The following GLIS1 variants were observed in gnomAD, a reference collection of about 807,000 sequenced individuals.
GLIS1 encodes zinc finger protein GLIS1.
A neutral mutation model predicts 63.8 loss-of-function variants in GLIS1; 24 were observed. The observed-to-expected ratio is 0.38, with a 90% CI of 0.27 to 0.53. The LOEUF (loss-of-function observed/expected upper bound fraction) is 0.53, where lower values mean the gene tolerates loss of function less well. GLIS1 is among the 20% of genes least tolerant of loss of function. GLIS1 has a pLI of 0.85. For missense variants in GLIS1, 1,036 were observed against 1,074.1 expected (o/e 0.96, Z 0.50); for synonymous variants, 450 against 482.5 (o/e 0.93, Z 0.88).
intron 8 of GLIS1, among the ~76,000 whole-genome samples, chr1:53,513,302 C>T (rs1413530673): frequency 6.6e-6 from 1 of 152,160 alleles, no homozygotes; most frequent in Non-Finnish European, 1.5e-5. Context: ...CAGTCCACCC[C>T]ACCCCTGCAA....
intron 2 of GLIS1, among the ~76,000 whole-genome samples, chr1:53,670,962 ATAC>A (rs1200890276): frequency 6.6e-6 from 1 of 152,256 alleles, no homozygotes; most frequent in Non-Finnish European, 1.5e-5. Flanking sequence ...AGGTAAAGAA[ATAC>A]TGTATGACCA....
At chr1:53,601,026 C>T (rs1557474705) in intron 2 of GLIS1, among the ~76,000 whole-genome samples, 1 of 150,460 alleles carries the variant, frequency 6.6e-6, no homozygotes, top group Admixed American at 6.7e-5. Flanking sequence ...CTCTGGGCCT[C>T]AGTTTTCTCA....
chr1:53,691,487 C>G (rs1052114277), intron 2 of GLIS1, among the ~76,000 whole-genome samples: 1 of 152,166 alleles, frequency 6.6e-6, no homozygotes, highest in Non-Finnish European at 1.5e-5. Flanking sequence ...GGACCCCGGG[C>G]CCAGGATCCC....
intron 8 of GLIS1, among the ~76,000 whole-genome samples, chr1:53,514,274 C>G (rs1023199760): frequency 6.6e-6 from 1 of 152,164 alleles, no homozygotes; most frequent in African/African-American, 2.4e-5. Flanking sequence ...AAGGAGACAC[C>G]AGAGTGAGGC....
chr1:53,727,073 C>A (rs1646812645), intron 2 of GLIS1, among the ~76,000 whole-genome samples: 1 of 152,234 alleles, frequency 6.6e-6, no homozygotes, highest in South Asian at 2.1e-4. Context: ...ATGAGGAAGA[C>A]TGAGGCTCAG....
chr1:53,678,435 T>C (rs1282185182), intron 2 of GLIS1, among the ~76,000 whole-genome samples: 1 of 151,014 alleles, frequency 6.6e-6, no homozygotes, highest in Non-Finnish European at 1.5e-5. Flanking sequence ...AGAGGTTAGA[T>C]CACTTGCCTG....
chr1:53,629,434 C>A (rs968022687), intron 2 of GLIS1, among the ~76,000 whole-genome samples: 10 of 152,222 alleles, frequency 6.6e-5, no homozygotes, highest in Non-Finnish European at 1.5e-4. Flanking sequence ...TCTAGTCTCG[C>A]TGCCTGACAG....
intron 4 of GLIS1, among the ~76,000 whole-genome samples, chr1:53,568,271 C>A (rs911281425): frequency 1.3e-5 from 2 of 152,222 alleles, no homozygotes; most frequent in Non-Finnish European, 2.9e-5. Flanking sequence ...TTGCCTGGGG[C>A]CTGTAGCCCC....
At chr1:53,652,859 C>A (rs1176863445) in intron 2 of GLIS1, among the ~76,000 whole-genome samples, 1 of 152,190 alleles carries the variant, frequency 6.6e-6, no homozygotes, top group Non-Finnish European at 1.5e-5. Context: ...TTCAGCCCCA[C>A]CCTGGCCATG....
chr1:53,527,956 G>A (rs1169046329), intron 5 of GLIS1, among the ~76,000 whole-genome samples: 2 of 152,212 alleles, frequency 1.3e-5, no homozygotes, highest in Non-Finnish European at 2.9e-5. Flanking sequence ...GCTGGGTCCA[G>A]GAAATGCAGT....
intron 4 of GLIS1, among the ~76,000 whole-genome samples, chr1:53,593,432 T>C (rs1645212497): frequency 6.6e-6 from 1 of 152,202 alleles, no homozygotes; most frequent in Non-Finnish European, 1.5e-5. Flanking sequence ...AATATGCGCG[T>C]GTGTGTGCAC....
chr1:53,706,780 G>C (rs546484342), intron 2 of GLIS1, among the ~76,000 whole-genome samples: 24 of 152,312 alleles, frequency 1.6e-4, no homozygotes, highest in African/African-American at 5.8e-4. Context: ...CCTCAAATAA[G>C]AAAATCAAAA....
Position 53,594,975 on chromosome 1 carries a change from C to G in GLIS1, c.453G>C (p.Gln151His), listed in dbSNP as rs569854312. The change falls in exon 4 of 11, where the codon CAG (glutamine) becomes CAC (histidine). Residue 151 changes from glutamine (Q) to histidine (H), a missense_variant. This residue lies in a region of GLIS1 where 592 missense variants were observed against 593.9 expected (regional missense o/e 1.00). Transcript: ENST00000628545. The part of the protein sequence containing the change: ...FPHPDRSPRP[Q>H]ATYVNGSLPT... ...GGAGGCTGCCGTTCACATACGTGGC[C>G]TGGGGTCTAGGTGACCTGGAAGACA... The G allele has an allele frequency of 4.9e-6, 7 of 1,438,124 alleles. No homozygotes were observed. The Admixed American group carries it at 8.5e-5, about 18-fold the overall frequency. The allele number at this position is 1,438,124 out of a possible 1,614,324, so 89.1% of individuals were successfully genotyped here.
At chr1:53,667,586 T>G (rs1646106726) in intron 2 of GLIS1, among the ~76,000 whole-genome samples, 1 of 150,726 alleles carries the variant, frequency 6.6e-6, no homozygotes. Flanking sequence ...TCTTTCAGAC[T>G]CACAGGCTCT....
chr1:53,577,399 G>C (rs912170578), intron 4 of GLIS1, among the ~76,000 whole-genome samples: 3 of 152,160 alleles, frequency 2.0e-5, no homozygotes, highest in African/African-American at 7.2e-5. Context: ...ACTGCCTCCT[G>C]GTGACCTGTC....
chr1:53,537,373 G>A (rs1644591579), intron 4 of GLIS1, among the ~76,000 whole-genome samples: 1 of 152,208 alleles, frequency 6.6e-6, no homozygotes, highest in Admixed American at 6.5e-5. Context: ...ACTAGGTGAT[G>A]GCTCTTCTCT....
chr1:53,509,135 G>A lies in GLIS1; in HGVS notation c.2215C>T (p.Pro739Ser). The change falls in exon 10 of 11, where the codon CCC (proline) becomes TCC (serine). Residue 739 changes from proline to serine, a missense_variant. By Grantham distance (74) the Pro-to-Ser change is moderately conservative. This residue lies in a region of GLIS1 where 400 missense variants were observed against 400.9 expected (regional missense o/e 1.00). Transcript: ENST00000628545. ...RPNGYHSLST[P>S]LPATGYEALA... Reference sequence around the variant, plus strand: ...CAGGGCTCACCTGTGGCAGGCAAGGGCGTGCTGAGGCTGTGGTAGCCATTG... The same window carrying A: ...CAGGGCTCACCTGTGGCAGGCAAGGACGTGCTGAGGCTGTGGTAGCCATTG... 6.3e-7 allele frequency: 1 copy of A among 1,585,124 alleles called. No individual in the cohort carries two copies. The highest frequency in any genetic ancestry group is 8.6e-7 in the Non-Finnish European group (1 of 1,164,014).
At position 53,571,082 on chromosome 1, in the gene GLIS1, CA is replaced by C. The variant is rs1176381790; in HGVS notation, c.1320+23025del. On this transcript the variant is annotated intron_variant, in intron 4 of 10. Coordinates refer to ENST00000628545, the MANE Select transcript of GLIS1 (RefSeq NM_001367484.1). ...AATCAATAAGAAAAAGACAAACAAC[CA>C]ATAGAAAAATGGGCAGAGGACGTGA... Among the ~76,000 whole-genome samples, 5 of 151,886 alleles carry C rather than the reference CA, an allele frequency of 3.3e-5. No homozygotes were observed. In the East Asian group the frequency reaches 9.7e-4, roughly 29 times the overall value.
intron 2 of GLIS1, among the ~76,000 whole-genome samples, chr1:53,732,595 T>G (rs1557546783): frequency 6.6e-6 from 1 of 152,208 alleles, no homozygotes; most frequent in Non-Finnish European, 1.5e-5. Context: ...TTCAGGAGTT[T>G]GGTCTTTTTT....
Sources: allele counts gnomAD v4.1 joint callset (sites outside exome capture counted in the v4.1 genomes callset), GRCh38; gene constraint gnomAD v4.1.1; regional missense constraint gnomAD v4.1.1; transcripts MANE v1.5; gene names NCBI Gene and HGNC (gene_info 2026-07-23, HGNC 2026-07-21).